The following NXPE2 variants were observed in gnomAD, a reference collection of about 807,000 sequenced individuals.
The protein encoded by NXPE2 is neurexophilin and PC-esterase domain family member 2, also known as NXPE family member 2.
NXPE2 carries 34 observed loss-of-function variants against 34.4 expected under a neutral mutation model. The observed-to-expected ratio is 0.99, with a 90% CI of 0.75 to 1.31. NXPE2 has a LOEUF of 1.31. Ranked by LOEUF, NXPE2 falls within the 40% of genes most tolerant of loss-of-function variation. The pLI, the probability that NXPE2 is intolerant of heterozygous loss-of-function variation, is 0.00. For missense variants in NXPE2, 649 were observed against 672.5 expected, an observed-to-expected ratio of 0.97 and a Z score of 0.39; for synonymous variants, 235 against 231.3, an observed-to-expected ratio of 1.02 and a Z score of -0.15.
chr11:114,522,273 T>C, the NXPE2 span: 3 of 1,614,050 alleles, frequency 1.9e-6, no homozygotes, highest in Non-Finnish European at 2.5e-6. Context: ...AAAATGTCAA[T>C]GGGAAATGGT....
the NXPE2 span, among the ~76,000 whole-genome samples, chr11:114,741,850 A>T: frequency 6.6e-6 from 1 of 152,114 alleles, no homozygotes; most frequent in Non-Finnish European, 1.5e-5. Flanking sequence ...GGTTCCATTG[A>T]TGATGTCCTG....
the NXPE2 span, among the ~76,000 whole-genome samples, chr11:114,497,200 G>A: frequency 3.9e-5 from 6 of 152,018 alleles, no homozygotes; most frequent in Admixed American, 2.0e-4. Flanking sequence ...ACCCTGTGTA[G>A]GCCTAGAGTA....
the NXPE2 span, among the ~76,000 whole-genome samples, chr11:114,621,416 A>G: frequency 6.6e-6 from 1 of 152,130 alleles, no homozygotes; most frequent in Non-Finnish European, 1.5e-5. Flanking sequence ...TACCCTGTGG[A>G]TAATAAGTAT....
the NXPE2 span, among the ~76,000 whole-genome samples, chr11:114,802,692 G>C: frequency 1.3e-5 from 2 of 152,030 alleles, no homozygotes. Context: ...TGAAATTTGA[G>C]TCTAATTCCT....
the NXPE2 span, among the ~76,000 whole-genome samples, chr11:114,601,722 AATT>A: frequency 1.4e-5 from 1 of 72,440 alleles, no homozygotes; most frequent in Non-Finnish European, 2.3e-5. Flanking sequence ...TATATATTAT[AATT>A]ATATATTATA....
the NXPE2 span, among the ~76,000 whole-genome samples, chr11:114,525,376 T>A: frequency 6.6e-6 from 1 of 151,936 alleles, no homozygotes; most frequent in Non-Finnish European, 1.5e-5. Context: ...AAGCAGAAGA[T>A]ATAAAAAGAA....
intron 3 of NXPE2, among the ~76,000 whole-genome samples, chr11:114,702,640 A>G (rs150946155): frequency 6.6e-6 from 1 of 152,292 alleles, no homozygotes; most frequent in African/African-American, 2.4e-5. Context: ...TGAAGATGAG[A>G]AAATTTAGGC....
At chr11:114,528,421 A>G in the NXPE2 span, among the ~76,000 whole-genome samples, 29 of 152,196 alleles carry the variant, frequency 1.9e-4, no homozygotes, top group Admixed American at 1.9e-3. Flanking sequence ...TGGCAGGTAG[A>G]CCTTTTATCA....
chr11:114,557,196 C>G, the NXPE2 span, among the ~76,000 whole-genome samples: 1 of 152,084 alleles, frequency 6.6e-6, no homozygotes, highest in Admixed American at 6.6e-5. Flanking sequence ...GCCCGGCCCC[C>G]TTTTTGACCT....
chr11:114,474,155 A>T, the NXPE2 span, among the ~76,000 whole-genome samples: 1 of 152,298 alleles, frequency 6.6e-6, no homozygotes, highest in East Asian at 1.9e-4. Context: ...AGAGATATAG[A>T]ATAGATAGTT....
At chr11:114,724,459 C>T in the NXPE2 span, among the ~76,000 whole-genome samples, 8 of 152,270 alleles carry the variant, frequency 5.3e-5, no homozygotes, top group African/African-American at 1.9e-4. Context: ...GTGTCCACAT[C>T]TATTTTTTAA....
the NXPE2 span, among the ~76,000 whole-genome samples, chr11:114,787,398 C>T: frequency 1.1e-4 from 17 of 152,240 alleles, no homozygotes; most frequent in East Asian, 2.1e-3. Flanking sequence ...GGGAGCATCA[C>T]GTTTCAGTAG....
chr11:114,525,041 A>G, the NXPE2 span, among the ~76,000 whole-genome samples: 6 of 152,082 alleles, frequency 3.9e-5, no homozygotes, highest in South Asian at 4.1e-4. Context: ...TTGTACTTCA[A>G]TTGTCCTGTA....
At chr11:114,478,359 G>A in the NXPE2 span, among the ~76,000 whole-genome samples, 3 of 152,286 alleles carry the variant, frequency 2.0e-5, no homozygotes, top group East Asian at 5.8e-4. Flanking sequence ...TTCCTTGGTT[G>A]TAAAGCTGGC....
the NXPE2 span, among the ~76,000 whole-genome samples, chr11:114,765,936 A>T: frequency 6.6e-6 from 1 of 151,912 alleles, no homozygotes; most frequent in Non-Finnish European, 1.5e-5. Context: ...CACCATCACC[A>T]CTGCTTATAT....
the NXPE2 span, among the ~76,000 whole-genome samples, chr11:114,601,736 T>A: frequency 5.5e-5 from 4 of 72,996 alleles, no homozygotes; most frequent in East Asian, 8.9e-4. Flanking sequence ...ATATATTATA[T>A]ATAATTATAA....
the NXPE2 span, among the ~76,000 whole-genome samples, chr11:114,737,736 C>T: frequency 3.3e-5 from 5 of 152,154 alleles, no homozygotes; most frequent in Admixed American, 6.5e-5. Flanking sequence ...CTGAGAGAAA[C>T]AAAATAGTCA....
chr11:114,662,899 C>A, the NXPE2 span, among the ~76,000 whole-genome samples: 1 of 152,152 alleles, frequency 6.6e-6, no homozygotes, highest in African/African-American at 2.4e-5. Context: ...GGCAGCAATA[C>A]CCAGGTACTA....
chr11:114,525,103 G>C, the NXPE2 span, among the ~76,000 whole-genome samples: 1 of 151,816 alleles, frequency 6.6e-6, no homozygotes, highest in Non-Finnish European at 1.5e-5. Flanking sequence ...TAGATCTGGG[G>C]GTAATGGTGT....
Sources: allele counts gnomAD v4.1 joint callset (sites outside exome capture counted in the v4.1 genomes callset), GRCh38; gene constraint gnomAD v4.1.1; transcripts MANE v1.5; gene names NCBI Gene and HGNC (gene_info 2026-07-23, HGNC 2026-07-21).